Variants in MSH5 observed in about 807,000 individuals in gnomAD.
MSH5 encodes the protein mutS protein homolog 5.
In MSH5, 78 loss-of-function variants were observed where a neutral mutation model predicts 107.7. The ratio of observed to expected loss-of-function variants is 0.72; its 90% CI spans 0.60 to 0.87. The LOEUF is 0.87. MSH5 is among the 40% of genes least tolerant of loss of function. The pLI is 0.00. For missense variants in MSH5, 889 were observed against 1,046.6 expected (o/e 0.85, Z 2.08); for synonymous variants, 326 against 399.5 (o/e 0.82, Z 2.19).
chr6:31,750,389 C>T (rs1319157221), intron 10 of MSH5, among the ~76,000 whole-genome samples: 1 of 152,084 alleles, frequency 6.6e-6, no homozygotes, highest in Non-Finnish European at 1.5e-5. Context: ...TGTACAGGCA[C>T]CAAGAATATG....
chr6:31,760,986 C>G lies in MSH5; in HGVS notation c.1962+147C>G. On this transcript the variant is annotated intron_variant, in intron 20 of 24. Transcript: ENST00000375750. This position sits in a 1 kb window ranked among gnomAD's most constrained non-coding sequence, Gnocchi z 5.6. ...CACTAAGGTCAGAGATAAGAAGAAT[C>G]AATACCATAAACATTTCTTGAACCC... 1 of 1,101,296 alleles carries G rather than the reference C, an allele frequency of 9.1e-7. No homozygotes were observed. The highest frequency in any genetic ancestry group is 2.6e-5 in the East Asian group (1 of 38,522). The allele number at this position is 1,101,296 out of a possible 1,614,324, so 68.2% of individuals were successfully genotyped here.
chr6:31,745,254 AGAGT>A lies in MSH5; in HGVS notation c.706_709del (p.Glu236LeufsTer12). ...CTCGACAGTGTTCTACAGATTTTTA[AGAGT>A]GAGTCTCACCCCTCAGTGTACAAAG... On this transcript the variant is annotated frameshift_variant, in exon 9 of 25. Coordinates refer to ENST00000375750, the MANE Select transcript of MSH5 (RefSeq NM_172166.4). LOFTEE classifies it high-confidence loss of function. 6.2e-7 allele frequency: 1 copy of A among 1,612,974 alleles called. No homozygotes were observed. The highest frequency in any genetic ancestry group is 8.5e-7 in the Non-Finnish European group (1 of 1,178,950).
chr6:31,760,167 A>G lies in MSH5; in HGVS notation c.1763A>G (p.Lys588Arg), dbSNP rs1228678047. The change falls in exon 19 of 25, where the codon AAA (lysine) becomes AGA (arginine). Residue 588 changes from lysine (K) to arginine (R), a missense_variant. Lys to Arg is a conservative substitution (Grantham distance 26). Around this residue, in one of 3 missense-constraint regions of MSH5, gnomAD observed 362 missense variants for 456.2 expected, o/e 0.79. Coordinates refer to ENST00000375750, the MANE Select transcript of MSH5 (RefSeq NM_172166.4). The surrounding 1 kb of genome is among the most constrained non-coding windows in gnomAD (Gnocchi z 5.6). ...TGTGGTGGGGACAAAGGGAGGGTCAAAGTCATCACTGGACCCAACTCATCA... is the reference window on the plus strand; with the variant it reads ...TGTGGTGGGGACAAAGGGAGGGTCAGAGTCATCACTGGACCCAACTCATCA... ...TECGGDKGRV[K>R]VITGPNSSGK... 1.2e-6 allele frequency: 2 copies of G among 1,611,758 alleles called. No individual in the cohort carries two copies. The highest frequency in any genetic ancestry group is 1.7e-6 in the Non-Finnish European group (2 of 1,178,990).
At chr6:31,742,984 A>G (rs1809050213) in intron 4 of MSH5, 27 bp downstream of exon 4, 1 of 1,611,644 alleles carries the variant, frequency 6.2e-7, no homozygotes, top group Non-Finnish European at 8.5e-7. Context: ...GGATAGAGGG[A>G]AAATGGGGAA....
At chr6:31,756,380 C>T (rs1810445410) in intron 12 of MSH5, among the ~76,000 whole-genome samples, 1 of 152,056 alleles carries the variant, frequency 6.6e-6, no homozygotes, top group African/African-American at 2.4e-5. Flanking sequence ...CCATGTTGGC[C>T]AGGATGGTCT....
chr6:31,753,580 G>A lies in MSH5; in HGVS notation c.965G>A (p.Arg322His), dbSNP rs923694243. The change falls in exon 12 of 25, where the codon CGC becomes CAC. Residue 322 changes from arginine (R) to histidine (H), a missense_variant. This residue lies in a region of MSH5 where 518 missense variants were observed against 565.0 expected (regional missense o/e 0.92). Coordinates refer to ENST00000375750, the MANE Select transcript of MSH5 (RefSeq NM_172166.4). Reference protein sequence around the residue: ...HIKNVPLILKRMKLSHTKVSD... With the variant: ...HIKNVPLILKHMKLSHTKVSD... ...GTCTGACTGTAGCTGATTCTGAAACGCATGAAGTTGTCCCACACCAAGGTC... is the reference window on the plus strand; with the variant it reads ...GTCTGACTGTAGCTGATTCTGAAACACATGAAGTTGTCCCACACCAAGGTC... 9.3e-6 allele frequency: 15 copies of A among 1,613,958 alleles called. No individual in the cohort carries two copies. The highest frequency in any genetic ancestry group is 2.7e-5 in the African/African-American group (2 of 74,888).
chr6:31,744,450 A>G, intron 7 of MSH5, 96 bp from the exon 8 acceptor site: 1 of 1,559,006 alleles, frequency 6.4e-7, no homozygotes, highest in Non-Finnish European at 8.8e-7. Flanking sequence ...AGACTTTGGG[A>G]AGAAGACTGG....
chr6:31,749,807 AAC>A (rs1336580943), intron 10 of MSH5, among the ~76,000 whole-genome samples: 1 of 152,216 alleles, frequency 6.6e-6, no homozygotes, highest in Non-Finnish European at 1.5e-5. Flanking sequence ...TCAATGTGTG[AAC>A]ACAACGCAAA....
At position 31,759,022 on chromosome 6, in the gene MSH5, C is replaced by T. The variant is rs904097328; in HGVS notation, c.1327-75C>T. 1 of 1,450,730 alleles carries T rather than the reference C, an allele frequency of 6.9e-7. No individual in the cohort carries two copies. Among genetic ancestry groups the T allele is most frequent in the African/African-American group, 1.4e-5 (1 of 71,614 alleles). The allele number at this position is 1,450,730 out of a possible 1,614,324, so 89.9% of individuals were successfully genotyped here. ...TGTGGGGATACAGGGATCTTTTAAG[C>T]TCCCTCTAGGGTGGGGAGGTGTCCA... On this transcript the variant is annotated intron_variant, in intron 15 of 24. Transcript: ENST00000375750. The surrounding 1 kb of genome is among the most constrained non-coding windows in gnomAD (Gnocchi z 4.7).
intron 10 of MSH5, 121 bp from the exon 11 acceptor site, chr6:31,753,180 A>G (rs181053504): frequency 2.4e-6 from 3 of 1,252,194 alleles, no homozygotes; most frequent in African/African-American, 3.0e-5. Context: ...CTACATTCCC[A>G]TAGCACATCG....
At chr6:31,756,083 A>G (rs1810422642) in intron 12 of MSH5, among the ~76,000 whole-genome samples, 2 of 151,890 alleles carry the variant, frequency 1.3e-5, no homozygotes, top group Non-Finnish European at 1.5e-5. Flanking sequence ...AAGTAGAGGA[A>G]CATAATGTCT....
At chr6:31,744,490 G>A in intron 7 of MSH5, 56 bp from the exon 8 acceptor site, 3 of 1,591,894 alleles carry the variant, frequency 1.9e-6, no homozygotes, top group Non-Finnish European at 2.6e-6. Context: ...GACAAAGGAA[G>A]TGGAGTTGTG....
chr6:31,743,104 A>C lies in MSH5; in HGVS notation c.353-4A>C. 1.2e-6 allele frequency: 2 copies of C among 1,613,004 alleles called. No individual in the cohort carries two copies. The highest frequency in any genetic ancestry group is 1.7e-6 in the Non-Finnish European group (2 of 1,180,008). On this transcript the variant is annotated splice_region_variant and splice_polypyrimidine_tract_variant and intron_variant, in intron 4 of 24. Transcript: ENST00000375750. ...ATGATAGCCTTTTCTTTCCTCCCCCACAGCCTCCCAGGAGCACAGAGAGCC... is the reference window on the plus strand; with the variant it reads ...ATGATAGCCTTTTCTTTCCTCCCCCCCAGCCTCCCAGGAGCACAGAGAGCC...
chr6:31,753,523 G>A (rs748916722), intron 11 of MSH5, 44 bp from the exon 12 acceptor site: 3 of 1,614,018 alleles, frequency 1.9e-6, no homozygotes, highest in African/African-American at 2.7e-5. Context: ...GGGCATTAGA[G>A]TGAGGGAAGA....
chr6:31,744,250 G>T lies in MSH5; in HGVS notation c.598G>T (p.Glu200Ter). 6.2e-7 allele frequency: 1 copy of T among 1,614,188 alleles called. No individual in the cohort carries two copies. The highest frequency in any genetic ancestry group is 1.1e-5 in the South Asian group (1 of 91,088). Residue 200 changes from glutamate (E) to a stop codon, truncating the protein, a stop_gained, in exon 7 of 25, where the codon GAA becomes TAA. Coordinates refer to ENST00000375750, the MANE Select transcript of MSH5 (RefSeq NM_172166.4). LOFTEE classifies it high-confidence loss of function. ...TCGAAGAAGAATCGGGGTTGAACTG[G>T]AAGACTATAATGTCAGCGTCCCCAT... Reference protein sequence around the residue: ...LGRRRIGVELEDYNVSVPILG... With the variant: ...LGRRRIGVEL
chr6:31,762,571 G>C lies in MSH5; in HGVS notation c.*40G>C, dbSNP rs755112798. 9.0e-6 allele frequency: 12 copies of C among 1,329,802 alleles called. No individual in the cohort carries two copies. Among genetic ancestry groups the C allele is most frequent in the Non-Finnish European group, 1.2e-5 (11 of 924,822 alleles). The allele number at this position is 1,329,802 out of a possible 1,614,324, so 82.4% of individuals were successfully genotyped here. On this transcript the variant is annotated 3_prime_UTR_variant, in exon 25 of 25. Transcript: ENST00000375750. ...TCCTCCCCAGCCTCCTGAGACTCCG[G>C]TGGGCTGCCATGCCCTCTTTGTTTC... is the stretch of plus-strand genomic sequence containing the variant.
chr6:31,742,043 C>T (rs1808964046), intron 3 of MSH5, among the ~76,000 whole-genome samples: 1 of 152,162 alleles, frequency 6.6e-6, no homozygotes, highest in Non-Finnish European at 1.5e-5. Context: ...GAGCGATCCA[C>T]TCCCATCACC....
In MSH5 at chr6:31,758,579, G is replaced by T. The variant is rs777865774; in HGVS notation, c.1175G>T (p.Arg392Leu). ...TTTGAGGGCAGCCTTGCTGAAAATCGCTTCACAGTCCTCCCCAACATAGAT... is the reference window on the plus strand; with the variant it reads ...TTTGAGGGCAGCCTTGCTGAAAATCTCTTCACAGTCCTCCCCAACATAGAT... ...VDFEGSLAEN[R>L]FTVLPNIDPE... The change falls in exon 14 of 25, where the codon CGC becomes CTC. Residue 392 changes from arginine to leucine, a missense_variant. By Grantham distance (102) the Arg-to-Leu change is moderately radical (BLOSUM62 -2). Coordinates refer to ENST00000375750, the MANE Select transcript of MSH5 (RefSeq NM_172166.4). The surrounding 1 kb of genome is among the most constrained non-coding windows in gnomAD (Gnocchi z 5.1). 4 of 1,613,666 alleles carry T rather than the reference G, an allele frequency of 2.5e-6. No individual in the cohort carries two copies. Among genetic ancestry groups the T allele is most frequent in the Non-Finnish European group, 3.4e-6 (4 of 1,179,994 alleles).
intron 8 of MSH5, among the ~76,000 whole-genome samples, chr6:31,744,927 T>C (rs1463297336): frequency 1.3e-5 from 2 of 151,834 alleles, no homozygotes. Context: ...CTGACCAATA[T>C]GGTAAAACCC....
Sources: allele counts gnomAD v4.1 joint callset (sites outside exome capture counted in the v4.1 genomes callset), GRCh38; gene constraint gnomAD v4.1.1; regional missense constraint gnomAD v4.1.1; non-coding constraint Gnocchi (gnomAD v3.1); transcripts MANE v1.5; gene names NCBI Gene and HGNC (gene_info 2026-07-23, HGNC 2026-07-21).